Variants in RAB3IL1 observed in about 807,000 individuals in gnomAD.
The protein encoded by RAB3IL1 is RAB3A interacting protein like 1.
RAB3IL1 carries 37 observed loss-of-function variants against 49.2 expected under a neutral mutation model. The observed-to-expected ratio is 0.75, with a 90% CI of 0.58 to 0.99. The LOEUF (loss-of-function observed/expected upper bound fraction) is 0.99. Ranked by LOEUF, RAB3IL1 falls within the 50% of genes least tolerant of loss-of-function variation. The pLI, the probability that RAB3IL1 is intolerant of heterozygous loss-of-function variation, is 0.00. For missense variants in RAB3IL1, 484 were observed against 513.0 expected, an observed-to-expected ratio of 0.94 and a Z score of 0.55; for synonymous variants, 193 against 213.9, an observed-to-expected ratio of 0.90 and a Z score of 0.85.
rs1268612453 is a variant in RAB3IL1 at position 61,897,403 on chromosome 11, C to T, written c.*875G>A. ...GATGCGTCCAGGTGGGAGCTCCGAACGCTGGTCCTGAGTGGGCTCTGATGG... is the reference window on the plus strand; with the variant it reads ...GATGCGTCCAGGTGGGAGCTCCGAATGCTGGTCCTGAGTGGGCTCTGATGG... On this transcript the variant is annotated 3_prime_UTR_variant, in exon 10 of 10. Transcript: ENST00000394836. The T allele has an allele frequency of 2.6e-5, 4 of 152,626 alleles. No individual in the cohort carries two copies. The highest frequency in any genetic ancestry group is 4.1e-4 in the South Asian group (2 of 4,830). The allele number at this position is 152,626 out of a possible 1,614,324, so 9.5% of individuals were successfully genotyped here. A position where few individuals can be genotyped will look rare whatever the true frequency, so the allele number is the denominator to read the frequency against.
At chr11:61,927,546 G>C in the RAB3IL1 span, among the ~76,000 whole-genome samples, 1 of 152,114 alleles carries the variant, frequency 6.6e-6, no homozygotes, top group East Asian at 1.9e-4. Flanking sequence ...GAAAGAGTTG[G>C]GGCTGGCAAG....
chr11:61,920,189 C>A, upstream of RAB3IL1: 3 of 1,273,786 alleles, frequency 2.4e-6, no homozygotes, highest in Non-Finnish European at 3.0e-6. Context: ...TCAGAAGAGT[C>A]CATGCTTGCA....
Position 61,917,429 on chromosome 11 carries a change from GTCCCCGCCCGCC to G in RAB3IL1, c.-74_-63del, listed in dbSNP as rs1939748176. ...CGCCGCCGCGTCCTCCCAGCGCCGC[GTCCCCGCCCGCC>G]GCCGACTCCGCCAGGGGCCGAGCCG... On this transcript the variant is annotated 5_prime_UTR_variant, in exon 1 of 10. Coordinates refer to ENST00000394836, the MANE Select transcript of RAB3IL1 (RefSeq NM_013401.4). The G allele has an allele frequency of 1.7e-6, 2 of 1,195,676 alleles. No homozygotes were observed. Among genetic ancestry groups the G allele is most frequent in the African/African-American group, 3.2e-5 (2 of 62,594 alleles). 74.1% of individuals were successfully genotyped at this position (1,195,676 alleles called of 1,614,324 possible).
intron 8 of RAB3IL1, among the ~76,000 whole-genome samples, chr11:61,901,826 G>A (rs1195773746): frequency 6.6e-6 from 1 of 152,226 alleles, no homozygotes; most frequent in African/African-American, 2.4e-5. Flanking sequence ...ACAGCTTACT[G>A]CGACCTTGCA....
At chr11:61,914,414 C>T (rs76420360) in intron 1 of RAB3IL1, among the ~76,000 whole-genome samples, 3,536 of 152,312 alleles carry the variant, frequency 0.023, 135 homozygotes, top group African/African-American at 0.079. Flanking sequence ...GAAACTTGAA[C>T]GCTGGCTTCT....
In RAB3IL1 at chr11:61,917,561, G is replaced by T; in HGVS notation, c.-194C>A. On this transcript the variant is annotated 5_prime_UTR_variant, in exon 1 of 10. Coordinates refer to ENST00000394836, the MANE Select transcript of RAB3IL1 (RefSeq NM_013401.4). The stretch of plus-strand genomic sequence containing the variant: ...CCCAGCCCCGACCCTGCCCTGGGCG[G>T]GTCACGTGGCGGAGGGGGGAGCGGC... 1.8e-6 allele frequency: 2 copies of T among 1,094,136 alleles called. No individual in the cohort carries two copies. The highest frequency in any genetic ancestry group is 2.2e-6 in the Non-Finnish European group (2 of 901,988). The allele number at this position is 1,094,136 out of a possible 1,614,324, so 67.8% of individuals were successfully genotyped here.
rs1939210341 is a variant in RAB3IL1 at position 61,906,698 on chromosome 11, G to A, written c.439-14C>T. Reference sequence around the variant, plus strand: ...CAGCATGTCGATCTGCATGGGATGGGATGGCTGTCAACCCTCACCCAGACT... The same window carrying A: ...CAGCATGTCGATCTGCATGGGATGGAATGGCTGTCAACCCTCACCCAGACT... On this transcript the variant is annotated splice_polypyrimidine_tract_variant and intron_variant, in intron 4 of 9. Coordinates refer to ENST00000394836, the MANE Select transcript of RAB3IL1 (RefSeq NM_013401.4). The surrounding 1 kb of genome is among the most constrained non-coding windows in gnomAD (Gnocchi z 4.6). 1.3e-6 allele frequency: 2 copies of A among 1,596,644 alleles called. No individual in the cohort carries two copies. The highest frequency in any genetic ancestry group is 1.7e-4 in the Middle Eastern group (1 of 6,018).
At chr11:61,916,505 G>A (rs181780397) in intron 1 of RAB3IL1, among the ~76,000 whole-genome samples, 1 of 166 alleles carries the variant, frequency 6.0e-3, no homozygotes, top group Non-Finnish European at 0.026. Context: ...CTGCCTTTCC[G>A]GGGGGCTTCC....
the RAB3IL1 span, among the ~76,000 whole-genome samples, chr11:61,944,727 G>T: frequency 6.6e-6 from 1 of 152,066 alleles, no homozygotes; most frequent in Admixed American, 6.5e-5. Flanking sequence ...ACGGAGTTTC[G>T]CTCTTGTCAA....
At chr11:61,933,901 C>T in the RAB3IL1 span, among the ~76,000 whole-genome samples, 5 of 151,744 alleles carry the variant, frequency 3.3e-5, no homozygotes, top group East Asian at 1.9e-4. Flanking sequence ...GCCAAGATTG[C>T]GCCACTGCAC....
chr11:61,908,695 T>G (rs564499565), intron 1 of RAB3IL1, among the ~76,000 whole-genome samples: 1 of 152,210 alleles, frequency 6.6e-6, no homozygotes, highest in Non-Finnish European at 1.5e-5. Context: ...GGTCACTGAA[T>G]GATCAGAGGA....
chr11:61,899,748 T>G, intron 8 of RAB3IL1: 1 of 206,296 alleles, frequency 4.8e-6, no homozygotes, highest in Non-Finnish European at 1.0e-5. Flanking sequence ...GGGCAGGCTG[T>G]CCCGGAGTCT....
intron 3 of RAB3IL1, 30 bp from the exon 4 acceptor site, chr11:61,907,500 G>T: frequency 6.2e-7 from 1 of 1,614,020 alleles, no homozygotes; most frequent in Non-Finnish European, 8.5e-7. Context: ...TGCGTGAGTG[G>T]TGAGGAGCCA....
At chr11:61,918,118 C>A (rs572308129), upstream of RAB3IL1, among the ~76,000 whole-genome samples, 3 of 152,296 alleles carry the variant, frequency 2.0e-5, no homozygotes, top group South Asian at 6.2e-4. Context: ...TCACCATCTG[C>A]CCTCTGGATA....
chr11:61,923,230 G>T (rs1346506132), upstream of RAB3IL1, among the ~76,000 whole-genome samples: 1 of 152,244 alleles, frequency 6.6e-6, no homozygotes, highest in Non-Finnish European at 1.5e-5. Context: ...AGCCAGAAAA[G>T]GCCCGATTGT....
At chr11:61,905,922 A>T (rs540232621) in intron 5 of RAB3IL1, among the ~76,000 whole-genome samples, 1 of 152,304 alleles carries the variant, frequency 6.6e-6, no homozygotes, top group South Asian at 2.1e-4. Flanking sequence ...GTGTCAGCCC[A>T]GCCTGGGCCC....
upstream of RAB3IL1, chr11:61,920,266 C>A: frequency 8.1e-7 from 1 of 1,234,572 alleles, no homozygotes. Flanking sequence ...CTTCCCCCCA[C>A]CAGGCTGAGC....
chr11:61,911,815 A>G (rs1334201674), intron 1 of RAB3IL1, among the ~76,000 whole-genome samples: 1 of 152,174 alleles, frequency 6.6e-6, no homozygotes, highest in African/African-American at 2.4e-5. Flanking sequence ...CAGTTCATAC[A>G]GGAAAGGCCC....
the RAB3IL1 span, among the ~76,000 whole-genome samples, chr11:61,932,285 G>A: frequency 6.6e-6 from 1 of 151,748 alleles, no homozygotes; most frequent in Non-Finnish European, 1.5e-5. Flanking sequence ...AGGGGGTAAA[G>A]CATCAAATAA....
Sources: gnomAD v4.1 joint callset for allele counts (sites outside exome capture counted in the v4.1 genomes callset) on GRCh38, gnomAD v4.1.1 for gene constraint, Gnocchi (gnomAD v3.1) non-coding constraint, MANE v1.5 for transcripts, NCBI Gene and HGNC (gene_info 2026-07-23, HGNC 2026-07-21) for gene names.